Variants in PRKCD observed in about 807,000 individuals in gnomAD.
The protein encoded by PRKCD is protein kinase C delta.
PRKCD carries 20 observed loss-of-function variants against 82.2 expected under a neutral mutation model. The observed-to-expected ratio is 0.24, with a 90% CI of 0.17 to 0.35. The LOEUF (loss-of-function observed/expected upper bound fraction) is 0.35. Among genes scored for constraint, PRKCD ranks in the 10% least tolerant of loss-of-function variants. The pLI is 1.00. For missense variants in PRKCD, 607 were observed against 899.0 expected, an observed-to-expected ratio of 0.68 and a Z score of 4.15; for synonymous variants, 317 against 337.0, an observed-to-expected ratio of 0.94 and a Z score of 0.65.
chr3:53,189,655 C>A (rs1703850353), intron 17 of PRKCD, among the ~76,000 whole-genome samples: 1 of 152,198 alleles, frequency 6.6e-6, no homozygotes. Flanking sequence ...ATAAAAAGTT[C>A]CACCAGCAGA....
At position 53,186,927 on chromosome 3, in the gene PRKCD, C is replaced by A. The variant is rs779233911; in HGVS notation, c.1352+232C>A. Reference sequence around the variant, plus strand: ...CAGCGCAAATACTCTGGGTCCTGGCCGCTCCGTGGGCCACAGCCAGGGCAG... The same window carrying A: ...CAGCGCAAATACTCTGGGTCCTGGCAGCTCCGTGGGCCACAGCCAGGGCAG... On this transcript the variant is annotated intron_variant, in intron 14 of 18. Transcript: ENST00000330452. 2.0e-5 allele frequency among the ~76,000 whole-genome samples: 3 copies of A among 152,168 alleles called. No individual in the cohort carries two copies. In the East Asian group the frequency reaches 5.8e-4, roughly 29 times the overall value.
At chr3:53,182,034 CT>C in intron 7 of PRKCD, 1 of 582,352 alleles carries the variant, frequency 1.7e-6, no homozygotes, top group Non-Finnish European at 3.2e-6. Context: ...GCCTCTTTTC[CT>C]CGGAGAGGCA....
rs1311722771 is a variant in PRKCD, at chr3:53,183,201, A to G, written c.652A>G (p.Thr218Ala). The change falls in exon 8 of 19, where the codon ACT becomes GCT. Residue 218 changes from threonine to alanine, a missense_variant. Physicochemically the swap from Thr to Ala is moderately conservative, Grantham distance 58 (BLOSUM62 0). This residue lies in a region of PRKCD where 109 missense variants were observed against 155.6 expected (regional missense o/e 0.70). Coordinates refer to ENST00000330452, the MANE Select transcript of PRKCD (RefSeq NM_006254.4). The stretch of plus-strand genomic sequence containing the variant: ...TGGCACCGCGGCCAACAGCCGGGAC[A>G]CTATAGTGAGCCTGGGTCCGGGGCA... ...CTGTAANSRD[T>A]IFQKERFNID... is the part of the protein sequence containing the mutation. 11 of 1,613,988 alleles carry G rather than the reference A, an allele frequency of 6.8e-6. No homozygotes were observed. Among genetic ancestry groups the G allele is most frequent in the South Asian group, 2.2e-5 (2 of 91,084 alleles).
intron 15 of PRKCD, among the ~76,000 whole-genome samples, chr3:53,187,886 C>T (rs1359036349): frequency 6.6e-6 from 1 of 152,100 alleles, no homozygotes; most frequent in Non-Finnish European, 1.5e-5. Context: ...AGCATTCAGC[C>T]TTTAAAACGT....
chr3:53,192,249 C>T lies in PRKCD; in HGVS notation c.2014C>T (p.His672Tyr). Reference protein sequence around the residue: ...GFSFVNPKFEHLLED With the variant: ...GFSFVNPKFEYLLED ...CTCCTTTGTGAACCCCAAATTCGAG[C>T]ACCTCCTGGAAGATTGAGGTTCCTG... The change falls in exon 19 of 19, where the codon CAC becomes TAC. Residue 672 changes from histidine to tyrosine, a missense_variant. By Grantham distance (83) the His-to-Tyr change is moderately conservative. Around this residue, in one of 5 missense-constraint regions of PRKCD, gnomAD observed 251 missense variants for 423.9 expected, o/e 0.59. Coordinates refer to ENST00000330452, the MANE Select transcript of PRKCD (RefSeq NM_006254.4). 6.2e-7 allele frequency: 1 copy of T among 1,614,128 alleles called. No individual in the cohort carries two copies. The highest frequency in any genetic ancestry group is 8.5e-7 in the Non-Finnish European group (1 of 1,180,014).
chr3:53,181,687 G>A lies in PRKCD; in HGVS notation c.540-14G>A, dbSNP rs1553667591. 1 of 1,612,584 alleles carries A rather than the reference G, an allele frequency of 6.2e-7. No individual in the cohort carries two copies. Among genetic ancestry groups the A allele is most frequent in the Admixed American group, 1.7e-5 (1 of 60,012 alleles). On this transcript the variant is annotated splice_polypyrimidine_tract_variant and intron_variant, in intron 6 of 18. Coordinates refer to ENST00000330452, the MANE Select transcript of PRKCD (RefSeq NM_006254.4). Reference sequence around the variant, plus strand: ...GTCCCCGCTCACTCACTTTGCCTGGGTTTTGCCTTTCAGGGGCCTCAACAA... The same window carrying A: ...GTCCCCGCTCACTCACTTTGCCTGGATTTTGCCTTTCAGGGGCCTCAACAA...
chr3:53,167,154 A>G (rs1315180480), intron 2 of PRKCD, among the ~76,000 whole-genome samples: 1 of 152,174 alleles, frequency 6.6e-6, no homozygotes, highest in African/African-American at 2.4e-5. Flanking sequence ...ACTTCCTCTG[A>G]GCTGCCCAGG....
chr3:53,178,396 G>A lies in PRKCD; in HGVS notation c.-19-8G>A. On this transcript the variant is annotated splice_polypyrimidine_tract_variant and splice_region_variant and intron_variant, in intron 2 of 18. Transcript: ENST00000330452. ...CGGCCGCCTGGCCTCACCCCTCTGT[G>A]TGCACAGCCCCACTGCAGGCCCCAC... is the stretch of plus-strand genomic sequence containing the variant. 3.1e-6 allele frequency: 5 copies of A among 1,598,170 alleles called. No individual in the cohort carries two copies. Among genetic ancestry groups the A allele is most frequent in the South Asian group, 1.1e-5 (1 of 90,390 alleles).
chr3:53,189,000 G>T, intron 16 of PRKCD, 58 bp from the exon 17 acceptor site: 1 of 1,572,740 alleles, frequency 6.4e-7, no homozygotes, highest in Non-Finnish European at 8.6e-7. Flanking sequence ...GTGCCCAGGG[G>T]CCCCTCTCAG....
At chr3:53,189,297 G>C in intron 17 of PRKCD, 51 bp downstream of exon 17, 1 of 1,530,288 alleles carries the variant, frequency 6.5e-7, no homozygotes, top group Middle Eastern at 1.8e-4. Context: ...TGGGGCAGGG[G>C]CTGGCAGACA....
Position 53,183,500 on chromosome 3 carries a change from C to T in PRKCD, c.706C>T (p.His236Tyr). 1 of 1,614,204 alleles carries T rather than the reference C, an allele frequency of 6.2e-7. No homozygotes were observed. The highest frequency in any genetic ancestry group is 8.5e-7 in the Non-Finnish European group (1 of 1,180,036). Reference protein sequence around the residue: ...NIDMPHRFKVHNYMSPTFCDH... With the variant: ...NIDMPHRFKVYNYMSPTFCDH... The stretch of plus-strand genomic sequence containing the variant: ...CGACATGCCGCACCGCTTCAAGGTT[C>T]ACAACTACATGAGCCCCACCTTCTG... Residue 236 changes from histidine (H) to tyrosine (Y), a missense_variant, in exon 9 of 19, where the codon CAC becomes TAC. Around this residue, in one of 5 missense-constraint regions of PRKCD, gnomAD observed 109 missense variants for 155.6 expected, o/e 0.70. Transcript: ENST00000330452.
chr3:53,169,970 C>A lies in PRKCD; in HGVS notation c.-20+4755C>A, dbSNP rs937329922. 3.5e-4 allele frequency among the ~76,000 whole-genome samples: 53 copies of A among 152,202 alleles called. No homozygotes were observed. The highest frequency in any genetic ancestry group is 1.2e-3 in the African/African-American group (51 of 41,444). The stretch of plus-strand genomic sequence containing the variant: ...GCCTGCTGTGGGATGGCGCACCATG[C>A]GGGATGGTCCTGCCTCTCTCCCAGC... On this transcript the variant is annotated intron_variant, in intron 2 of 18. Transcript: ENST00000330452. This position sits in a 1 kb window ranked among gnomAD's most constrained non-coding sequence, Gnocchi z 4.7.
chr3:53,181,636 G>A (rs782735285), intron 6 of PRKCD, 30 bp downstream of exon 6: 1 of 1,613,872 alleles, frequency 6.2e-7, no homozygotes, highest in Non-Finnish European at 8.5e-7. Context: ...ACTGGTGGTG[G>A]TGCAGGGTAG....
At chr3:53,184,688 A>G (rs1703605496) in intron 9 of PRKCD, among the ~76,000 whole-genome samples, 186 bp from the exon 10 acceptor site, 1 of 151,156 alleles carries the variant, frequency 6.6e-6, no homozygotes, top group African/African-American at 2.4e-5. Context: ...AAAAAAAAAA[A>G]AAAGAGAGAG....
At chr3:53,171,210 C>G (rs1553664862) in intron 2 of PRKCD, among the ~76,000 whole-genome samples, 3 of 152,194 alleles carry the variant, frequency 2.0e-5, no homozygotes, top group African/African-American at 4.8e-5. Flanking sequence ...GTTCCTCTCT[C>G]AGGGGTACCT....
chr3:53,189,222 G>A lies in PRKCD; in HGVS notation c.1719G>A (p.Lys573=). ...DTPHYPRWIT[K]ESKDILEKLF... The stretch of plus-strand genomic sequence containing the variant: ...CACATTATCCCCGCTGGATCACCAA[G>A]GAGTCCAAGGACATCCTGGAGAAGG... Residue 573 remains lysine (K), a synonymous_variant, in exon 17 of 19, where the codon AAG becomes AAA. Coordinates refer to ENST00000330452, the MANE Select transcript of PRKCD (RefSeq NM_006254.4). 1.2e-6 allele frequency: 2 copies of A among 1,612,550 alleles called. No homozygotes were observed. Among genetic ancestry groups the A allele is most frequent in the Non-Finnish European group, 1.7e-6 (2 of 1,179,176 alleles).
intron 18 of PRKCD, among the ~76,000 whole-genome samples, chr3:53,191,072 A>G (rs990229140): frequency 1.3e-5 from 2 of 152,188 alleles, no homozygotes; most frequent in South Asian, 2.1e-4. Context: ...AGTTTTCAAA[A>G]GAAGCTGGAA....
intron 1 of PRKCD, among the ~76,000 whole-genome samples, chr3:53,162,243 G>T (rs1166507382): frequency 6.6e-6 from 1 of 151,382 alleles, no homozygotes; most frequent in Non-Finnish European, 1.5e-5. Context: ...CCCGTTGTGG[G>T]GGCTCCACCA....
chr3:53,187,552 C>T (rs1255641338), intron 15 of PRKCD, 150 bp downstream of exon 15: 1 of 893,618 alleles, frequency 1.1e-6, no homozygotes, highest in Non-Finnish European at 1.7e-6. Flanking sequence ...TGCCTCCCAC[C>T]CTGGTGTTAG....
Sources: gnomAD v4.1 joint callset for allele counts (sites outside exome capture counted in the v4.1 genomes callset) on GRCh38, gnomAD v4.1.1 for gene constraint, gnomAD v4.1.1 regional missense constraint, Gnocchi (gnomAD v3.1) non-coding constraint, MANE v1.5 for transcripts, NCBI Gene and HGNC (gene_info 2026-07-23, HGNC 2026-07-21) for gene names.